The following CNTNAP4 variants were observed in gnomAD, a reference collection of about 807,000 sequenced individuals.
The protein encoded by CNTNAP4 is contactin associated protein family member 4, also known as contactin-associated protein-like 4.
In CNTNAP4, 98 loss-of-function variants were observed where a neutral mutation model predicts 148.4. That is an observed-to-expected ratio of 0.66 (90% CI 0.56 to 0.78). The LOEUF (loss-of-function observed/expected upper bound fraction) is 0.78, where lower values mean the gene tolerates loss of function less well. Among genes scored for constraint, CNTNAP4 ranks in the 30% least tolerant of loss-of-function variants. CNTNAP4 has a pLI of 0.00. For missense variants in CNTNAP4, 1,935 were observed against 1,565.6 expected, an observed-to-expected ratio of 1.24 and a Z score of -3.98; for synonymous variants, 730 against 565.1, an observed-to-expected ratio of 1.29 and a Z score of -4.14.
chr16:76,501,185 T>C (rs745592750), intron 15 of CNTNAP4, among the ~76,000 whole-genome samples: 35 of 152,352 alleles, frequency 2.3e-4, no homozygotes, highest in Middle Eastern at 3.4e-3. Flanking sequence ...CCCATGAAGA[T>C]GATATAGGAT....
chr16:76,412,715 T>A (rs1455652177), intron 3 of CNTNAP4, among the ~76,000 whole-genome samples: 2 of 151,430 alleles, frequency 1.3e-5, no homozygotes, highest in Admixed American at 6.6e-5. Context: ...TCACTATGTA[T>A]TCTGGATACT....
At chr16:76,321,779 C>T (rs1962440225) in intron 2 of CNTNAP4, among the ~76,000 whole-genome samples, 1 of 107,400 alleles carries the variant, frequency 9.3e-6, no homozygotes, top group Non-Finnish European at 1.8e-5. Context: ...CAGAGCGTGA[C>T]TCAGTCTCAA....
chr16:76,555,029 A>C (rs1014595581), intron 23 of CNTNAP4, among the ~76,000 whole-genome samples: 1 of 151,988 alleles, frequency 6.6e-6, no homozygotes, highest in Non-Finnish European at 1.5e-5. Flanking sequence ...TCTCCCTGGC[A>C]GGGCAACAGG....
intron 3 of CNTNAP4, among the ~76,000 whole-genome samples, chr16:76,402,721 C>T (rs982565286): frequency 6.6e-6 from 1 of 151,996 alleles, no homozygotes; most frequent in Non-Finnish European, 1.5e-5. Flanking sequence ...TAGCTGCGTC[C>T]CAGAGATTCT....
chr16:76,395,294 CTCTG>C (rs938264213), intron 3 of CNTNAP4, among the ~76,000 whole-genome samples: 27 of 147,070 alleles, frequency 1.8e-4, no homozygotes, highest in African/African-American at 6.8e-4. Flanking sequence ...GAGATGCAGT[CTCTG>C]TCTGCTGCCC....
At chr16:76,289,600 T>C (rs1001495252) in intron 1 of CNTNAP4, among the ~76,000 whole-genome samples, 1 of 150,816 alleles carries the variant, frequency 6.6e-6, no homozygotes, top group African/African-American at 2.4e-5. Flanking sequence ...TGAGACAGAG[T>C]CTTGCTCTGT....
At chr16:76,415,441 T>C (rs1314472842) in intron 3 of CNTNAP4, among the ~76,000 whole-genome samples, 1 of 151,034 alleles carries the variant, frequency 6.6e-6, no homozygotes, top group Non-Finnish European at 1.5e-5. Context: ...CTTCTGCTTG[T>C]AGTGTAAAAA....
intron 1 of CNTNAP4, among the ~76,000 whole-genome samples, chr16:76,298,831 G>A (rs1230767768): frequency 6.6e-6 from 1 of 152,042 alleles, no homozygotes; most frequent in African/African-American, 2.4e-5. Context: ...ATATGTGGGT[G>A]GTGGACGTTT....
intron 15 of CNTNAP4, among the ~76,000 whole-genome samples, chr16:76,517,879 C>T (rs1234508990): frequency 6.6e-6 from 1 of 151,946 alleles, no homozygotes. Context: ...TCTCCATAAG[C>T]CTGTTTTTTT....
intron 9 of CNTNAP4, 66 bp from the exon 10 acceptor site, chr16:76,467,286 A>G (rs2081206047): frequency 2.9e-6 from 4 of 1,389,060 alleles, no homozygotes; most frequent in Non-Finnish European, 4.0e-6. Flanking sequence ...TTTTTAAATG[A>G]AGTTATCTAT....
intron 17 of CNTNAP4, among the ~76,000 whole-genome samples, chr16:76,531,962 C>G (rs1568535779): frequency 6.6e-6 from 1 of 152,142 alleles, no homozygotes; most frequent in East Asian, 1.9e-4. Context: ...ATTATCTAAG[C>G]ATATATTTCA....
intron 2 of CNTNAP4, among the ~76,000 whole-genome samples, chr16:76,354,286 G>A (rs368345371): frequency 6.6e-6 from 1 of 152,106 alleles, no homozygotes; most frequent in Non-Finnish European, 1.5e-5. Context: ...TATTAAACTG[G>A]AAGAATGAAG....
Position 76,448,163 on chromosome 16 carries a change from T to C in CNTNAP4, c.690T>C (p.Asp230=), listed in dbSNP as rs762684286. ...ILLHREGPNG[D]HITLQLRRAR... ...TCCACAGGGAAGGGCCAAATGGAGA[T>C]CACATCACACTGCAATTAAGAAGAG... The change falls in exon 5 of 24, where the codon GAT becomes GAC. Residue 230 remains aspartate (D), a synonymous_variant. Coordinates refer to ENST00000611870, the MANE Select transcript of CNTNAP4 (RefSeq NM_033401.5). The C allele has an allele frequency of 9.9e-6, 16 of 1,613,706 alleles. No homozygotes were observed. Among genetic ancestry groups the C allele is most frequent in the Non-Finnish European group, 1.2e-5 (14 of 1,179,688 alleles).
chr16:76,554,222 T>C lies in CNTNAP4; in HGVS notation c.3733+315T>C, dbSNP rs1436850949. 2.0e-5 allele frequency among the ~76,000 whole-genome samples: 3 copies of C among 152,208 alleles called. No individual in the cohort carries two copies. In the East Asian group the frequency reaches 5.8e-4, roughly 29 times the overall value. On this transcript the variant is annotated intron_variant, in intron 23 of 23. Coordinates refer to ENST00000611870, the MANE Select transcript of CNTNAP4 (RefSeq NM_033401.5). ...ATAGCCACAGGTAGTCACTAGAGAA[T>C]TGTGAATATATTTGAGTAAATTTCG...
intron 21 of CNTNAP4, among the ~76,000 whole-genome samples, chr16:76,551,950 C>T (rs2084967968): frequency 1.3e-5 from 2 of 152,282 alleles, no homozygotes; most frequent in South Asian, 4.1e-4. Flanking sequence ...TTAGTCCGTT[C>T]TCACACTGCT....
chr16:76,343,115 T>G (rs984221166), intron 2 of CNTNAP4, among the ~76,000 whole-genome samples: 1 of 151,646 alleles, frequency 6.6e-6, no homozygotes, highest in South Asian at 2.1e-4. Context: ...TTTTTTTTTT[T>G]GGTCCACCTT....
At chr16:76,317,987 T>C (rs1961984219) in intron 2 of CNTNAP4, among the ~76,000 whole-genome samples, 2 of 152,116 alleles carry the variant, frequency 1.3e-5, no homozygotes, top group South Asian at 4.2e-4. Context: ...CGTTTTCTTT[T>C]TGAGTGACTT....
At chr16:76,332,164 T>C (rs980686818) in intron 2 of CNTNAP4, among the ~76,000 whole-genome samples, 10 of 152,234 alleles carry the variant, frequency 6.6e-5, no homozygotes, top group African/African-American at 1.2e-4. Flanking sequence ...GATTGTAATG[T>C]GTCTCAGTGT....
chr16:76,288,891 T>A lies in CNTNAP4; in HGVS notation c.85+11144T>A, dbSNP rs1401362694. Among the ~76,000 whole-genome samples the A allele has an allele frequency of 2.0e-5, 3 of 152,178 alleles. No homozygotes were observed. The East Asian group carries it at 5.8e-4, about 29-fold the overall frequency. On this transcript the variant is annotated intron_variant, in intron 1 of 23. Coordinates refer to ENST00000611870, the MANE Select transcript of CNTNAP4 (RefSeq NM_033401.5). ...ATTTAAACGTCCTTTTTATTTAGGA[T>A]CCCATTGATTTTTGCTATCATTTTA...
Sources: allele counts gnomAD v4.1 joint callset (sites outside exome capture counted in the v4.1 genomes callset), GRCh38; gene constraint gnomAD v4.1.1; transcripts MANE v1.5; gene names NCBI Gene and HGNC (gene_info 2026-07-23, HGNC 2026-07-21).